PPFIA2: variants seen among roughly 807,000 people sequenced by gnomAD.
The protein encoded by PPFIA2 is liprin-alpha-2.
In PPFIA2, 46 loss-of-function variants were observed where a neutral mutation model predicts 175.5. The observed-to-expected ratio is 0.26, with a 90% CI of 0.21 to 0.34. The LOEUF is 0.34. Ranked by LOEUF, PPFIA2 falls within the 10% of genes least tolerant of loss-of-function variation. The pLI is 1.00. For missense variants in PPFIA2, 1,179 were observed against 1,506.1 expected, an observed-to-expected ratio of 0.78 and a Z score of 3.60; for synonymous variants, 568 against 511.4, an observed-to-expected ratio of 1.11 and a Z score of -1.49.
chr12:81,389,468 T>C (rs2039695549), intron 8 of PPFIA2, among the ~76,000 whole-genome samples: 1 of 152,064 alleles, frequency 6.6e-6, no homozygotes, highest in Admixed American at 6.6e-5. Flanking sequence ...ATAGTCTTTA[T>C]GCTACTGTGT....
intron 4 of PPFIA2, among the ~76,000 whole-genome samples, chr12:81,494,379 C>T (rs1168092242): frequency 6.6e-6 from 1 of 152,126 alleles, no homozygotes; most frequent in African/African-American, 2.4e-5. Context: ...AAATGCAAAT[C>T]AAAACCACAA....
intron 5 of PPFIA2, among the ~76,000 whole-genome samples, chr12:81,453,517 G>A (rs1053054053): frequency 6.6e-6 from 1 of 151,860 alleles, no homozygotes; most frequent in African/African-American, 2.4e-5. Flanking sequence ...ATATATACTT[G>A]CCAAAGTATG....
chr12:81,520,421 A>G (rs2062979724), intron 4 of PPFIA2, among the ~76,000 whole-genome samples: 1 of 152,216 alleles, frequency 6.6e-6, no homozygotes, highest in Non-Finnish European at 1.5e-5. Context: ...GAGCCGTACA[A>G]CTGACCTTAG....
chr12:81,445,254 A>G (rs1337677277), intron 6 of PPFIA2, among the ~76,000 whole-genome samples: 1 of 149,834 alleles, frequency 6.7e-6, no homozygotes, highest in Non-Finnish European at 1.5e-5. Flanking sequence ...GAGGCTCAAT[A>G]ATAATATTAA....
chr12:81,481,890 T>A (rs2058274951), intron 4 of PPFIA2, among the ~76,000 whole-genome samples: 1 of 152,036 alleles, frequency 6.6e-6, no homozygotes, highest in Non-Finnish European at 1.5e-5. Flanking sequence ...AATTGATAAA[T>A]GGGAGCTAAT....
chr12:81,504,843 A>C (rs1047592497), intron 4 of PPFIA2, among the ~76,000 whole-genome samples: 1 of 152,196 alleles, frequency 6.6e-6, no homozygotes, highest in Non-Finnish European at 1.5e-5. Context: ...TATCCTTTGC[A>C]GGGACATGGA....
At chr12:81,650,160 C>A (rs1016935667) in intron 4 of PPFIA2, among the ~76,000 whole-genome samples, 1 of 152,002 alleles carries the variant, frequency 6.6e-6, no homozygotes, top group Non-Finnish European at 1.5e-5. Flanking sequence ...CAGGCGCCCG[C>A]CACTGCACCC....
At chr12:81,578,533 T>C (rs963555041) in intron 4 of PPFIA2, among the ~76,000 whole-genome samples, 5 of 151,798 alleles carry the variant, frequency 3.3e-5, no homozygotes, top group African/African-American at 9.7e-5. Flanking sequence ...ATGAGTTTAT[T>C]TTATTTTTAT....
intron 3 of PPFIA2, among the ~76,000 whole-genome samples, chr12:81,723,347 G>A (rs1346601047): frequency 6.6e-6 from 1 of 150,998 alleles, no homozygotes; most frequent in Non-Finnish European, 1.5e-5. Context: ...TTATGGTGAG[G>A]ATTAAATGAA....
chr12:81,601,368 C>A (rs942125773), intron 4 of PPFIA2, among the ~76,000 whole-genome samples: 1 of 151,644 alleles, frequency 6.6e-6, no homozygotes, highest in African/African-American at 2.4e-5. Context: ...AAGGTGTTGT[C>A]CAGGTCTAAA....
chr12:81,574,795 AC>A (rs1484985117), intron 4 of PPFIA2, among the ~76,000 whole-genome samples: 1 of 151,670 alleles, frequency 6.6e-6, no homozygotes, highest in Non-Finnish European at 1.5e-5. Context: ...TTTAACTGAT[AC>A]TTTTATGGTT....
intron 7 of PPFIA2, among the ~76,000 whole-genome samples, chr12:81,434,078 C>G (rs1022609353): frequency 6.6e-6 from 1 of 151,746 alleles, no homozygotes; most frequent in African/African-American, 2.4e-5. Context: ...AAAAATGTTG[C>G]CTTCTTTAAA....
chr12:81,617,770 G>A (rs2061553681), intron 4 of PPFIA2, among the ~76,000 whole-genome samples: 1 of 152,164 alleles, frequency 6.6e-6, no homozygotes, highest in Admixed American at 6.5e-5. Flanking sequence ...GACCTATTAA[G>A]TACCAGCTAT....
rs551299180 is a variant in PPFIA2, at chr12:81,615,365, T to A, written c.303+61426A>T. Among the ~76,000 whole-genome samples, 9 of 152,282 alleles carry A rather than the reference T, an allele frequency of 5.9e-5. No homozygotes were observed. In the East Asian group the frequency reaches 1.7e-3, roughly 29 times the overall value. On this transcript the variant is annotated intron_variant, in intron 4 of 32. Coordinates refer to ENST00000549396, the MANE Select transcript of PPFIA2 (RefSeq NM_003625.5). The stretch of plus-strand genomic sequence containing the variant: ...GAGATGTCACATAGCCAGGTGGATA[T>A]ACAAATCTGGACACCACATTAGCAT...
intron 8 of PPFIA2, among the ~76,000 whole-genome samples, chr12:81,386,139 G>T (rs73356604): frequency 0.03 from 4,515 of 151,446 alleles, 209 homozygotes; most frequent in African/African-American, 0.1. Context: ...AAAATAGGGT[G>T]TGGTGGCATG....
chr12:81,627,588 C>A (rs1448155844), intron 4 of PPFIA2, among the ~76,000 whole-genome samples: 1 of 152,066 alleles, frequency 6.6e-6, no homozygotes, highest in Non-Finnish European at 1.5e-5. Context: ...CTCAATACCA[C>A]AATCTAAAGG....
At chr12:81,693,024 T>C (rs2075441181) in intron 3 of PPFIA2, among the ~76,000 whole-genome samples, 1 of 152,132 alleles carries the variant, frequency 6.6e-6, no homozygotes, top group East Asian at 1.9e-4. Context: ...AGATGATTTA[T>C]ACTTTTTTAA....
At chr12:81,710,284 T>A (rs1341203403) in intron 3 of PPFIA2, among the ~76,000 whole-genome samples, 1 of 139,950 alleles carries the variant, frequency 7.1e-6, no homozygotes, top group Non-Finnish European at 1.5e-5. Flanking sequence ...CACCCAAGAC[T>A]ATGAAAATTG....
intron 3 of PPFIA2, among the ~76,000 whole-genome samples, chr12:81,700,624 T>TCTGGCATTGTGCACTATG (rs1485012826): frequency 6.6e-6 from 1 of 152,104 alleles, no homozygotes; most frequent in East Asian, 1.9e-4. Context: ...TAGTTCCACT[T>TCTGGCATTGTGCACTATG]CTGGCATTGT....
Sources: allele counts gnomAD v4.1 joint callset (sites outside exome capture counted in the v4.1 genomes callset), GRCh38; gene constraint gnomAD v4.1.1; transcripts MANE v1.5; gene names NCBI Gene and HGNC (gene_info 2026-07-23, HGNC 2026-07-21).